Variants in KCNIP1 observed in about 807,000 individuals in gnomAD.
KCNIP1 encodes potassium voltage-gated channel interacting protein 1, also known as A-type potassium channel modulatory protein KCNIP1.
KCNIP1 carries 18 observed loss-of-function variants against 33.0 expected under a neutral mutation model. The ratio of observed to expected loss-of-function variants is 0.55; its 90% CI spans 0.38 to 0.81. The LOEUF (loss-of-function observed/expected upper bound fraction) is 0.81. Ranked by LOEUF, KCNIP1 falls within the 30% of genes least tolerant of loss-of-function variation. The pLI, the probability that KCNIP1 is intolerant of heterozygous loss-of-function variation, is 0.00. For synonymous variants in KCNIP1, 93 were observed against 98.3 expected (o/e 0.95, Z 0.32); for missense variants, 238 against 271.6 (o/e 0.88, Z 0.87).
intron 1 of KCNIP1, among the ~76,000 whole-genome samples, chr5:170,483,443 C>T (rs749343491): frequency 6.6e-5 from 10 of 152,212 alleles, no homozygotes; most frequent in Admixed American, 1.3e-4. Flanking sequence ...CAGCCCCTCT[C>T]GCTTCTTTTT....
intron 1 of KCNIP1, among the ~76,000 whole-genome samples, chr5:170,461,140 AC>A (rs1460309339): frequency 6.6e-6 from 1 of 152,184 alleles, no homozygotes; most frequent in African/African-American, 2.4e-5. Flanking sequence ...ACTACAAAAC[AC>A]TGCTGAAAGA....
chr5:170,357,173 C>A (rs1049491992), intron 1 of KCNIP1, among the ~76,000 whole-genome samples: 16 of 152,040 alleles, frequency 1.1e-4, no homozygotes, highest in Non-Finnish European at 1.5e-5. Flanking sequence ...CAGTGAGGAG[C>A]ACAGTTGGTT....
rs147430781 is a variant in KCNIP1 at position 170,511,066 on chromosome 5, G to A, written c.61+6433G>A. On this transcript the variant is annotated intron_variant, in intron 1 of 7. Coordinates refer to ENST00000328939, the MANE Select transcript of KCNIP1 (RefSeq NM_014592.4). ...TCTACTAAAAATACAAAAATTAGCC[G>A]GGCATGGTGGCATGCTCCTGTAATC... Among the ~76,000 whole-genome samples the A allele has an allele frequency of 1.3e-5, 2 of 152,156 alleles. 1 individual carries two copies. Among genetic ancestry groups the A allele is most frequent in the Non-Finnish European group, 2.9e-5 (2 of 67,982 alleles).
chr5:170,588,675 A>C (rs557270839), intron 1 of KCNIP1, among the ~76,000 whole-genome samples: 1 of 152,210 alleles, frequency 6.6e-6, no homozygotes, highest in African/African-American at 2.4e-5. Context: ...AAAATATAAG[A>C]TATTCCCAAG....
At chr5:170,451,519 T>C (rs1756250165) in intron 1 of KCNIP1, among the ~76,000 whole-genome samples, 1 of 151,936 alleles carries the variant, frequency 6.6e-6, no homozygotes, top group Non-Finnish European at 1.5e-5. Flanking sequence ...ACTGCAGGTG[T>C]GTTCCTGGTC....
At chr5:170,552,766 C>A (rs1240694151) in intron 1 of KCNIP1, among the ~76,000 whole-genome samples, 1 of 152,254 alleles carries the variant, frequency 6.6e-6, no homozygotes, top group African/African-American at 2.4e-5. Context: ...TTACGCAGGA[C>A]TGACAGGCTC....
intron 1 of KCNIP1, among the ~76,000 whole-genome samples, chr5:170,537,914 T>C (rs764990291): frequency 6.6e-6 from 1 of 152,204 alleles, no homozygotes; most frequent in Non-Finnish European, 1.5e-5. Context: ...TGTGTCCAGC[T>C]GAGACCCTGA....
chr5:170,580,754 A>G (rs1561698138), intron 1 of KCNIP1, among the ~76,000 whole-genome samples: 2 of 152,342 alleles, frequency 1.3e-5, no homozygotes, highest in East Asian at 1.9e-4. Context: ...AGCCAATTTC[A>G]TATACATGAA....
At chr5:170,383,838 C>T (rs1764356588) in intron 1 of KCNIP1, 4 of 1,613,860 alleles carry the variant, frequency 2.5e-6, no homozygotes, top group Middle Eastern at 1.6e-4. Flanking sequence ...ACTTGGATTC[C>T]TGGGTCCACA....
rs147723143 is a variant in KCNIP1, at chr5:170,489,964, T to G, written c.88+136000T>G. On this transcript the variant is annotated intron_variant, in intron 1 of 7. Coordinates refer to the KCNIP1 transcript ENST00000377360. This position sits in a 1 kb window ranked among gnomAD's most constrained non-coding sequence, Gnocchi z 4.3. ...GAGCCTGGCAGCTGCAAGAAGGAGATGAGCTCCAGGGTTTGAGGGTTAAGG... is the reference window on the plus strand; with the variant it reads ...GAGCCTGGCAGCTGCAAGAAGGAGAGGAGCTCCAGGGTTTGAGGGTTAAGG... Among the ~76,000 whole-genome samples the G allele has an allele frequency of 0.022, 3,279 of 152,242 alleles. 43 individuals are homozygous for G. The highest frequency in any genetic ancestry group is 0.048 in the South Asian group (232 of 4,822).
chr5:170,421,829 G>A (rs752666479), intron 1 of KCNIP1: 13 of 152,290 alleles, frequency 8.5e-5, no homozygotes, highest in African/African-American at 1.9e-4. Flanking sequence ...GAACCAAGAC[G>A]TATTTTTCCA....
At chr5:170,482,883 A>G (rs1272739287) in intron 1 of KCNIP1, among the ~76,000 whole-genome samples, 1 of 152,162 alleles carries the variant, frequency 6.6e-6, no homozygotes, top group Admixed American at 6.5e-5. Context: ...TTATCAGGAG[A>G]AGCATTTTGG....
chr5:170,627,822 G>A (rs1759890661), intron 1 of KCNIP1, among the ~76,000 whole-genome samples: 1 of 152,226 alleles, frequency 6.6e-6, no homozygotes, highest in African/African-American at 2.4e-5. Context: ...CTGCTTCGAG[G>A]GACAGGGCTG....
chr5:170,386,474 T>C (rs750111318), intron 1 of KCNIP1, among the ~76,000 whole-genome samples: 4 of 152,190 alleles, frequency 2.6e-5, no homozygotes, highest in African/African-American at 9.6e-5. Flanking sequence ...ACAACAGTCA[T>C]AGGTCCCATG....
intron 1 of KCNIP1, among the ~76,000 whole-genome samples, chr5:170,520,971 T>A (rs11134631): frequency 0.62 from 94,095 of 152,088 alleles, 30,875 homozygotes; most frequent in East Asian, 0.85. Context: ...CCTCCCTTCT[T>A]GGGTTGCTGT....
At chr5:170,707,326 TGGTGAGG>T (rs1486730775) in intron 1 of KCNIP1, among the ~76,000 whole-genome samples, 1 of 152,186 alleles carries the variant, frequency 6.6e-6, no homozygotes, top group African/African-American at 2.4e-5. Context: ...GCTGCTGCAG[TGGTGAGG>T]GCACGTGAGA....
In KCNIP1 at chr5:170,397,200, T is replaced by G. The variant is rs190130559; in HGVS notation, c.88+43236T>G. On this transcript the variant is annotated intron_variant, in intron 1 of 7. Transcript: ENST00000377360. Reference sequence around the variant, plus strand: ...ACTAGTTTTTCAGGTTTCTTTGAAATCCCCTTGGCCAAGAGGTGGGATCCA... The same window carrying G: ...ACTAGTTTTTCAGGTTTCTTTGAAAGCCCCTTGGCCAAGAGGTGGGATCCA... 5.8e-4 allele frequency among the ~76,000 whole-genome samples: 89 copies of G among 152,328 alleles called. 1 individual carries two copies. Among genetic ancestry groups the G allele is most frequent in the African/African-American group, 1.9e-3 (78 of 41,574 alleles).
intron 1 of KCNIP1, among the ~76,000 whole-genome samples, chr5:170,445,606 G>C (rs940191167): frequency 4.6e-5 from 7 of 152,202 alleles, no homozygotes; most frequent in African/African-American, 1.7e-4. Context: ...CACATGGCTA[G>C]TAAGTGTCAG....
chr5:170,575,252 A>G (rs1757558814), intron 1 of KCNIP1, among the ~76,000 whole-genome samples: 1 of 152,268 alleles, frequency 6.6e-6, no homozygotes, highest in Non-Finnish European at 1.5e-5. Context: ...GCTAAAAAGC[A>G]TAAGGATTTT....
Sources: gnomAD v4.1 joint callset for allele counts (sites outside exome capture counted in the v4.1 genomes callset) on GRCh38, gnomAD v4.1.1 for gene constraint, Gnocchi (gnomAD v3.1) non-coding constraint, MANE v1.5 for transcripts, NCBI Gene and HGNC (gene_info 2026-07-23, HGNC 2026-07-21) for gene names.